Variants in TTC29 observed in about 807,000 individuals in gnomAD.
TTC29 encodes tetratricopeptide repeat domain 29, also known as tetratricopeptide repeat protein 29.
TTC29 carries 49 observed loss-of-function variants against 58.1 expected under a neutral mutation model. The observed-to-expected ratio is 0.84, with a 90% confidence interval of 0.67 to 1.07. The LOEUF is 1.07. TTC29 is among the 50% of genes least tolerant of loss of function. TTC29 has a pLI of 0.00. For synonymous variants in TTC29, 209 were observed against 196.8 expected (o/e 1.06, Z -0.52); for missense variants, 582 against 555.6 (o/e 1.05, Z -0.48).
chr4:146,911,377 C>T (rs1340751120), intron 4 of TTC29, among the ~76,000 whole-genome samples: 2 of 152,162 alleles, frequency 1.3e-5, no homozygotes, highest in Admixed American at 6.6e-5. Context: ...GAAGACACAG[C>T]TAAAACTGAA....
intron 10 of TTC29, among the ~76,000 whole-genome samples, chr4:146,809,010 A>C (rs974345180): frequency 1.3e-5 from 2 of 151,430 alleles, no homozygotes; most frequent in Non-Finnish European, 2.9e-5. Flanking sequence ...CAGTAACCAA[A>C]ACAGCATGGT....
At chr4:146,853,388 T>C (rs1048027314) in intron 8 of TTC29, among the ~76,000 whole-genome samples, 11 of 152,198 alleles carry the variant, frequency 7.2e-5, no homozygotes, top group African/African-American at 2.7e-4. Context: ...CCTGATTTTT[T>C]TGTTCAACAT....
intron 11 of TTC29, among the ~76,000 whole-genome samples, chr4:146,716,655 ACT>A (rs2149998779): frequency 6.6e-6 from 1 of 152,224 alleles, no homozygotes; most frequent in South Asian, 2.1e-4. Context: ...AAGAAGAGAT[ACT>A]GTAGATATAC....
chr4:146,838,100 A>T (rs1373702121), intron 8 of TTC29, among the ~76,000 whole-genome samples: 1 of 152,048 alleles, frequency 6.6e-6, no homozygotes, highest in Non-Finnish European at 1.5e-5. Context: ...AACAATTTCC[A>T]TGACTTCAGA....
chr4:146,821,774 A>G (rs1751849102), intron 9 of TTC29, among the ~76,000 whole-genome samples: 1 of 152,182 alleles, frequency 6.6e-6, no homozygotes. Context: ...TTCCAGTAAC[A>G]TCAAGAAACT....
chr4:146,759,872 G>C (rs1746743280), intron 11 of TTC29, among the ~76,000 whole-genome samples: 1 of 152,114 alleles, frequency 6.6e-6, no homozygotes, highest in African/African-American at 2.4e-5. Context: ...CTGAGAACAG[G>C]AACAAGAAAA....
chr4:146,940,037 G>C, intron 2 of TTC29, 136 bp from the exon 3 acceptor site: 1 of 773,826 alleles, frequency 1.3e-6, no homozygotes, highest in Non-Finnish European at 1.9e-6. Context: ...TGTGTTATTC[G>C]GGAATCATGC....
At chr4:146,796,513 A>C (rs1184977088) in intron 11 of TTC29, among the ~76,000 whole-genome samples, 1 of 152,132 alleles carries the variant, frequency 6.6e-6, no homozygotes, top group East Asian at 1.9e-4. Flanking sequence ...CTTCTAAAAC[A>C]CACATCATAA....
intron 9 of TTC29, among the ~76,000 whole-genome samples, chr4:146,828,456 A>G (rs1345641862): frequency 6.6e-6 from 1 of 152,074 alleles, no homozygotes; most frequent in East Asian, 1.9e-4. Context: ...ATTTCTCTGA[A>G]TATCACTTCA....
At chr4:146,921,118 G>A (rs1031236028) in intron 4 of TTC29, among the ~76,000 whole-genome samples, 2 of 151,450 alleles carry the variant, frequency 1.3e-5, no homozygotes, top group East Asian at 1.9e-4. Context: ...TGTGCGCTGC[G>A]CACATGAACA....
At chr4:146,825,068 A>AT (rs70937702) in intron 9 of TTC29, among the ~76,000 whole-genome samples, 3 of 151,694 alleles carry the variant, frequency 2.0e-5, no homozygotes, top group South Asian at 2.1e-4. Flanking sequence ...GGATTCATTG[A>AT]TTTTTTGGAG....
At chr4:146,819,409 C>T (rs1197567886) in intron 10 of TTC29, among the ~76,000 whole-genome samples, 1 of 152,048 alleles carries the variant, frequency 6.6e-6, no homozygotes, top group Non-Finnish European at 1.5e-5. Flanking sequence ...CATAATTACC[C>T]TAAAAATGAT....
intron 11 of TTC29, among the ~76,000 whole-genome samples, chr4:146,802,643 G>A (rs1750312789): frequency 6.6e-6 from 1 of 152,104 alleles, no homozygotes; most frequent in African/African-American, 2.4e-5. Context: ...GACCACAGGG[G>A]AAAACAAAGA....
intron 10 of TTC29, among the ~76,000 whole-genome samples, chr4:146,806,578 G>A (rs1240685984): frequency 6.6e-6 from 1 of 151,702 alleles, no homozygotes; most frequent in Non-Finnish European, 1.5e-5. Flanking sequence ...AGCAGAGGTT[G>A]CAATCCTAGT....
chr4:146,935,415 A>G (rs1483529073), intron 4 of TTC29, among the ~76,000 whole-genome samples: 2 of 152,188 alleles, frequency 1.3e-5, no homozygotes, highest in Admixed American at 1.3e-4. Flanking sequence ...GGATTTGAGG[A>G]TATATCTTAG....
At chr4:146,938,095 C>T (rs753153185) in intron 3 of TTC29, among the ~76,000 whole-genome samples, 35 of 152,146 alleles carry the variant, frequency 2.3e-4, no homozygotes, top group Non-Finnish European at 3.8e-4. Flanking sequence ...CCAAACATTA[C>T]TCAATTTTGT....
intron 11 of TTC29, among the ~76,000 whole-genome samples, chr4:146,790,005 T>C (rs961816436): frequency 2.0e-5 from 3 of 152,098 alleles, no homozygotes; most frequent in Non-Finnish European, 4.4e-5. Flanking sequence ...CTCACTTAAT[T>C]TGTTCCAGCC....
At chr4:146,895,201 T>C (rs373529502) in intron 6 of TTC29, among the ~76,000 whole-genome samples, 1 of 152,284 alleles carries the variant, frequency 6.6e-6, no homozygotes, top group African/African-American at 2.4e-5. Flanking sequence ...ACCTCTGTTT[T>C]ATTGGCTGGC....
chr4:146,728,752 G>GATATATATACATATATATACACAT lies in TTC29; in HGVS notation c.1331-21202_1331-21201insATGTGTATATATATGTATATATAT, dbSNP rs576601005. Among the ~76,000 whole-genome samples, 10 of 68,276 alleles carry GATATATATACATATATATACACAT rather than the reference G, an allele frequency of 1.5e-4. No homozygotes were observed. The South Asian group carries it at 2.7e-3, about 18-fold the overall frequency. The allele number at this position is 68,276 out of a possible 152,430, so 44.8% of individuals were successfully genotyped here. ...TATATGTGTGTATAACTGTCCAGAG[G>GATATATATACATATATATACACAT]ATATATGTACATATATATACACATA... On this transcript the variant is annotated intron_variant, in intron 11 of 12. Coordinates refer to ENST00000325106, the MANE Select transcript of TTC29 (RefSeq NM_031956.4).
Sources: allele counts gnomAD v4.1 joint callset (sites outside exome capture counted in the v4.1 genomes callset), GRCh38; gene constraint gnomAD v4.1.1; transcripts MANE v1.5; gene names NCBI Gene and HGNC (gene_info 2026-07-23, HGNC 2026-07-21).